Variants in CNTNAP4 observed in about 807,000 individuals in gnomAD.
The protein encoded by CNTNAP4 is contactin associated protein family member 4, also known as contactin-associated protein-like 4.
Under a neutral mutation model 148.4 loss-of-function variants are expected in CNTNAP4, and 98 were observed. The ratio of observed to expected loss-of-function variants is 0.66; its 90% confidence interval spans 0.56 to 0.78. The LOEUF is 0.78. Ranked by LOEUF, CNTNAP4 falls within the 30% of genes least tolerant of loss-of-function variation. The pLI, the probability that CNTNAP4 is intolerant of heterozygous loss-of-function variation, is 0.00. For missense variants in CNTNAP4, 1,935 were observed against 1,565.6 expected, an observed-to-expected ratio of 1.24 and a Z score of -3.98; for synonymous variants, 730 against 565.1, an observed-to-expected ratio of 1.29 and a Z score of -4.14.
intron 3 of CNTNAP4, among the ~76,000 whole-genome samples, chr16:76,381,806 A>G (rs2015994247): frequency 6.6e-6 from 1 of 152,180 alleles, no homozygotes; most frequent in Non-Finnish European, 1.5e-5. Flanking sequence ...CACGCCTGTA[A>G]TCCCAGGACT....
intron 1 of CNTNAP4, among the ~76,000 whole-genome samples, chr16:76,311,871 A>G (rs1961158482): frequency 6.6e-6 from 1 of 152,206 alleles, no homozygotes; most frequent in South Asian, 2.1e-4. Flanking sequence ...AGGGACCAGG[A>G]TGATGTGCCA....
At chr16:76,282,033 A>C (rs976898158) in intron 1 of CNTNAP4, among the ~76,000 whole-genome samples, 1 of 151,812 alleles carries the variant, frequency 6.6e-6, no homozygotes, top group Admixed American at 6.6e-5. Context: ...AAGTTAATTG[A>C]CCCCTATTTA....
rs1217546114 is a variant in CNTNAP4 at position 76,517,206 on chromosome 16, G to T, written c.2366-3934G>T. Among the ~76,000 whole-genome samples, 5 of 152,138 alleles carry T rather than the reference G, an allele frequency of 3.3e-5. No homozygotes were observed. In the East Asian group the frequency reaches 9.6e-4, roughly 29 times the overall value. On this transcript the variant is annotated intron_variant, in intron 15 of 23. Coordinates refer to ENST00000611870, the MANE Select transcript of CNTNAP4 (RefSeq NM_033401.5). Reference sequence around the variant, plus strand: ...TTAGTTGTGCCAGGAGGTTAAAGAAGGGGTAAGGAGGGAGGAAAGCGGTTT... The same window carrying T: ...TTAGTTGTGCCAGGAGGTTAAAGAATGGGTAAGGAGGGAGGAAAGCGGTTT...
intron 15 of CNTNAP4, 68 bp from the exon 16 acceptor site, chr16:76,521,069 TGTC>T: frequency 7.4e-7 from 1 of 1,360,520 alleles, no homozygotes; most frequent in Non-Finnish European, 1.0e-6. Context: ...AACATGTAAT[TGTC>T]ATTCATTTTA....
chr16:76,413,091 T>A (rs959349389), intron 3 of CNTNAP4, among the ~76,000 whole-genome samples: 2 of 151,376 alleles, frequency 1.3e-5, no homozygotes, highest in Non-Finnish European at 3.0e-5. Flanking sequence ...CTCAAGTGTT[T>A]ATCCTTTGAG....
intron 2 of CNTNAP4, among the ~76,000 whole-genome samples, chr16:76,321,546 T>G (rs867261280): frequency 1.3e-5 from 2 of 152,072 alleles, no homozygotes; most frequent in Non-Finnish European, 2.9e-5. Context: ...TCCCAGCACT[T>G]TGGGAGGCCA....
chr16:76,451,890 G>T (rs1446448122), intron 7 of CNTNAP4, among the ~76,000 whole-genome samples: 1 of 152,032 alleles, frequency 6.6e-6, no homozygotes, highest in Non-Finnish European at 1.5e-5. Flanking sequence ...GTTTTGTAAT[G>T]TTCTCAACAC....
At chr16:76,307,672 T>A (rs1457480985) in intron 1 of CNTNAP4, among the ~76,000 whole-genome samples, 1 of 151,886 alleles carries the variant, frequency 6.6e-6, no homozygotes, top group East Asian at 1.9e-4. Flanking sequence ...GATTTCTAGA[T>A]CTCTGATGCT....
At chr16:76,433,556 A>G (rs2079695380) in intron 4 of CNTNAP4, among the ~76,000 whole-genome samples, 1 of 152,150 alleles carries the variant, frequency 6.6e-6, no homozygotes, top group Non-Finnish European at 1.5e-5. Context: ...AAACATATAA[A>G]GAGGACAATT....
At chr16:76,419,778 T>C (rs551011332) in intron 3 of CNTNAP4, among the ~76,000 whole-genome samples, 57 of 152,116 alleles carry the variant, frequency 3.7e-4, no homozygotes, top group African/African-American at 1.3e-3. Flanking sequence ...GAGAACAAGG[T>C]GCTACCCAAT....
intron 4 of CNTNAP4, among the ~76,000 whole-genome samples, chr16:76,439,351 A>G (rs1305994391): frequency 1.3e-5 from 2 of 152,188 alleles, no homozygotes; most frequent in African/African-American, 4.8e-5. Flanking sequence ...TATTAAAATC[A>G]TAACAGTATA....
intron 21 of CNTNAP4, among the ~76,000 whole-genome samples, chr16:76,546,257 C>T (rs536459902): frequency 1.3e-5 from 2 of 152,262 alleles, no homozygotes; most frequent in African/African-American, 2.4e-5. Context: ...TCAGTATGAT[C>T]GGGGGTTCCT....
intron 3 of CNTNAP4, among the ~76,000 whole-genome samples, chr16:76,424,627 C>T (rs951847109): frequency 1.3e-5 from 2 of 152,048 alleles, no homozygotes; most frequent in Non-Finnish European, 2.9e-5. Context: ...GCCATGGTGT[C>T]TGGGGCCCGT....
intron 2 of CNTNAP4, among the ~76,000 whole-genome samples, chr16:76,326,686 A>G (rs1963009185): frequency 6.6e-6 from 1 of 152,040 alleles, no homozygotes; most frequent in Non-Finnish European, 1.5e-5. Context: ...TTCTCAGCAA[A>G]CTATCACAAG....
chr16:76,452,941 A>G (rs190758621), intron 8 of CNTNAP4, among the ~76,000 whole-genome samples, 172 bp downstream of exon 8: 240 of 152,342 alleles, frequency 1.6e-3, no homozygotes, highest in Non-Finnish European at 2.8e-3. Flanking sequence ...ATTTTCTTTT[A>G]AATATGGTTC....
intron 16 of CNTNAP4, 87 bp from the exon 17 acceptor site, chr16:76,521,951 AC>A: frequency 8.6e-7 from 1 of 1,157,618 alleles, no homozygotes; most frequent in South Asian, 1.3e-5. Context: ...AGCGATTGTT[AC>A]GCTGTAGTGT....
At chr16:76,522,366 A>G in intron 17 of CNTNAP4, 109 bp downstream of exon 17, 1 of 907,540 alleles carries the variant, frequency 1.1e-6, no homozygotes, top group South Asian at 1.7e-5. Flanking sequence ...ACAAGCAATA[A>G]TAACAAATCA....
At chr16:76,476,557 C>T (rs1026437617) in intron 11 of CNTNAP4, among the ~76,000 whole-genome samples, 1 of 152,152 alleles carries the variant, frequency 6.6e-6, no homozygotes, top group Admixed American at 6.5e-5. Context: ...AGGTGACTTA[C>T]AAACTGCAGA....
chr16:76,356,730 G>A (rs1242075670), intron 3 of CNTNAP4, among the ~76,000 whole-genome samples: 5 of 152,152 alleles, frequency 3.3e-5, no homozygotes, highest in African/African-American at 1.2e-4. Flanking sequence ...TAATTTGGAA[G>A]CCTATTTGGG....
Sources: gnomAD v4.1 joint callset for allele counts (sites outside exome capture counted in the v4.1 genomes callset) on GRCh38, gnomAD v4.1.1 for gene constraint, MANE v1.5 for transcripts, NCBI Gene and HGNC (gene_info 2026-07-23, HGNC 2026-07-21) for gene names.